The following DOCK10 variants were observed in gnomAD, a reference collection of about 807,000 sequenced individuals.
DOCK10 encodes the protein dedicator of cytokinesis 10.
In DOCK10, 145 loss-of-function variants were observed where a neutral mutation model predicts 280.1. That is an observed-to-expected ratio of 0.52 (90% CI 0.45 to 0.59). DOCK10 has a LOEUF of 0.59. Among genes scored for constraint, DOCK10 ranks in the 20% least tolerant of loss-of-function variants. The pLI is 0.00. For missense variants in DOCK10, 2,368 were observed against 2,651.7 expected, an observed-to-expected ratio of 0.89 and a Z score of 2.35; for synonymous variants, 915 against 942.2, an observed-to-expected ratio of 0.97 and a Z score of 0.53.
chr2:224,982,649 G>A (rs1470949704), intron 1 of DOCK10: 1 of 379,606 alleles, frequency 2.6e-6, no homozygotes, highest in Non-Finnish European at 3.6e-6. Flanking sequence ...TCATTACAAT[G>A]AAGCTCTTCG....
At chr2:224,873,960 C>A in intron 11 of DOCK10, 36 bp downstream of exon 11, 1 of 1,577,052 alleles carries the variant, frequency 6.3e-7, no homozygotes, top group South Asian at 1.2e-5. Flanking sequence ...GTAATGTTGG[C>A]TTAATGGTAT....
intron 2 of DOCK10, among the ~76,000 whole-genome samples, chr2:224,925,259 C>T (rs73081826): frequency 0.015 from 2,218 of 152,050 alleles, 54 homozygotes; most frequent in African/African-American, 0.05. Context: ...TGCTTCCTTT[C>T]CTAGAATGAC....
At chr2:224,941,927 G>C (rs747069537) in intron 1 of DOCK10, among the ~76,000 whole-genome samples, 1 of 152,006 alleles carries the variant, frequency 6.6e-6, no homozygotes, top group African/African-American at 2.4e-5. Context: ...TTATTAGTGT[G>C]TATGTCAACA....
chr2:224,912,146 T>C (rs1209224234), intron 3 of DOCK10, among the ~76,000 whole-genome samples: 1 of 36,032 alleles, frequency 2.8e-5, no homozygotes, highest in East Asian at 8.9e-4. Context: ...AAAATACATT[T>C]TTTTTTTTTT....
intron 19 of DOCK10, among the ~76,000 whole-genome samples, chr2:224,848,687 C>A (rs1234970580): frequency 6.6e-6 from 1 of 152,166 alleles, no homozygotes; most frequent in Non-Finnish European, 1.5e-5. Context: ...TGGCACACAG[C>A]AGGAGTCTTG....
At chr2:224,820,226 G>T (rs1694420475) in intron 28 of DOCK10, among the ~76,000 whole-genome samples, 1 of 152,174 alleles carries the variant, frequency 6.6e-6, no homozygotes. Flanking sequence ...CTTATTCTGT[G>T]GTCAAATTCT....
At chr2:224,898,527 C>T (rs1004543476) in intron 3 of DOCK10, among the ~76,000 whole-genome samples, 2 of 152,196 alleles carry the variant, frequency 1.3e-5, no homozygotes, top group Non-Finnish European at 2.9e-5. Context: ...TAGCAACTTG[C>T]CAATGCCTGA....
chr2:224,872,516 A>T (rs1698356223), intron 11 of DOCK10, among the ~76,000 whole-genome samples: 1 of 152,204 alleles, frequency 6.6e-6, no homozygotes, highest in Non-Finnish European at 1.5e-5. Flanking sequence ...CATGGACCTT[A>T]TCCTGCTCTA....
intron 3 of DOCK10, among the ~76,000 whole-genome samples, chr2:224,905,274 T>C (rs1335580231): frequency 8.0e-6 from 1 of 125,250 alleles, no homozygotes; most frequent in African/African-American, 4.1e-5. Context: ...GGAGTCTCGC[T>C]CTATCGCCCA....
chr2:224,879,772 A>T (rs1698868917), intron 7 of DOCK10, among the ~76,000 whole-genome samples: 1 of 152,154 alleles, frequency 6.6e-6, no homozygotes, highest in Non-Finnish European at 1.5e-5. Context: ...ATAAAAAAAA[A>T]AATTAAAAAA....
intron 17 of DOCK10, 93 bp from the exon 18 acceptor site, chr2:224,852,535 C>A: frequency 1.1e-6 from 1 of 939,714 alleles, no homozygotes; most frequent in Admixed American, 2.4e-5. Context: ...TCTAATTAAT[C>A]CAAAAAATGT....
chr2:224,929,925 A>G (rs1702239239), intron 2 of DOCK10, among the ~76,000 whole-genome samples: 1 of 152,120 alleles, frequency 6.6e-6, no homozygotes. Context: ...TCAAGGCTGG[A>G]CGTGGTGGCT....
intron 47 of DOCK10, among the ~76,000 whole-genome samples, chr2:224,792,575 G>A (rs1294514947): frequency 6.6e-6 from 1 of 152,138 alleles, no homozygotes; most frequent in Admixed American, 6.6e-5. Context: ...GAGCCACCGC[G>A]CCTGGCCCTA....
chr2:224,911,820 G>T (rs1701031127), intron 3 of DOCK10, among the ~76,000 whole-genome samples: 1 of 152,244 alleles, frequency 6.6e-6, no homozygotes, highest in South Asian at 2.1e-4. Context: ...TTCCTAAAAC[G>T]ATAGAAACAT....
intron 1 of DOCK10, among the ~76,000 whole-genome samples, chr2:224,953,026 C>T (rs1053654476): frequency 1.3e-5 from 2 of 151,836 alleles, no homozygotes; most frequent in African/African-American, 2.4e-5. Context: ...CATTTGAATC[C>T]ATTCCATTAA....
Position 224,876,091 on chromosome 2 carries a change from G to A in DOCK10, c.878C>T (p.Pro293Leu). The stretch of plus-strand genomic sequence containing the variant: ...CCTCCTCCCTTGGAGGGGCCCCTCA[G>A]GACTGATTTGCAGAATGCGGTTGAG... ...HTLNRILQIS[P>L]EGPLQGRRST... is the part of the protein sequence containing the mutation. Residue 293 changes from proline (P) to leucine (L), a missense_variant, in exon 8 of 56, where the codon CCT (proline) becomes CTT (leucine). Pro to Leu is a moderately conservative substitution (Grantham distance 98). Coordinates refer to ENST00000258390, the MANE Select transcript of DOCK10 (RefSeq NM_014689.3). 1 of 1,613,898 alleles carries A rather than the reference G, an allele frequency of 6.2e-7. No individual in the cohort carries two copies. Among genetic ancestry groups the A allele is most frequent in the Non-Finnish European group, 8.5e-7 (1 of 1,179,856 alleles).
At chr2:224,972,793 T>G (rs987686505) in intron 1 of DOCK10, among the ~76,000 whole-genome samples, 1 of 152,232 alleles carries the variant, frequency 6.6e-6, no homozygotes, top group African/African-American at 2.4e-5. Flanking sequence ...TAATTTCAGT[T>G]GTATTAAAGG....
At chr2:224,940,984 T>C (rs1239373256) in intron 1 of DOCK10, among the ~76,000 whole-genome samples, 1 of 152,052 alleles carries the variant, frequency 6.6e-6, no homozygotes. Context: ...AATTCATATG[T>C]GTTTTCTTGT....
At chr2:224,988,423 C>T (rs979224101) in intron 1 of DOCK10, among the ~76,000 whole-genome samples, 1 of 152,182 alleles carries the variant, frequency 6.6e-6, no homozygotes, top group African/African-American at 2.4e-5. Flanking sequence ...ATAGCACTCG[C>T]CATGTGCCAG....
Sources: gnomAD v4.1 joint callset for allele counts (sites outside exome capture counted in the v4.1 genomes callset) on GRCh38, gnomAD v4.1.1 for gene constraint, MANE v1.5 for transcripts, NCBI Gene and HGNC (gene_info 2026-07-23, HGNC 2026-07-21) for gene names.